Variants in AKR1C2 observed in about 807,000 individuals in gnomAD.
AKR1C2 encodes 3-alpha-HSD3.
Under a neutral mutation model 39.8 loss-of-function variants are expected in AKR1C2, and 27 were observed. The ratio of observed to expected loss-of-function variants is 0.68; its 90% CI spans 0.50 to 0.93. The LOEUF (loss-of-function observed/expected upper bound fraction) is 0.93. Among genes scored for constraint, AKR1C2 ranks in the 40% least tolerant of loss-of-function variants. AKR1C2 has a pLI of 0.00. For synonymous variants in AKR1C2, 114 were observed against 137.9 expected (o/e 0.83, Z 1.22); for missense variants, 263 against 365.1 (o/e 0.72, Z 2.28).
Position 5,001,642 on chromosome 10 carries a change from T to C in AKR1C2, c.124A>G (p.Ile42Val), listed in dbSNP as rs782701203. The C allele has an allele frequency of 9.3e-6, 15 of 1,613,854 alleles. No homozygotes were observed. The Admixed American group carries it at 1.3e-4, about 14-fold the overall frequency. Residue 42 changes from isoleucine (I) to valine (V), a missense_variant, in exon 2 of 9, where the codon ATA becomes GTA. Coordinates refer to ENST00000380753, the MANE Select transcript of AKR1C2 (RefSeq NM_001393392.1). ...SKALEAVKLA[I>V]EAGFHHIDSA... ...TCAATATGGTGGAACCCGGCTTCTA[T>C]TGCCAATTTGACGGCCTCTAGAGCT...
At chr10:5,012,668 T>C (rs1398349548) in intron 1 of AKR1C2, among the ~76,000 whole-genome samples, 10 of 152,212 alleles carry the variant, frequency 6.6e-5, no homozygotes, top group Non-Finnish European at 1.5e-4. Flanking sequence ...TTTAGCCTGT[T>C]GAACGAGATT....
At chr10:4,999,843 A>T (rs1837197513) in intron 3 of AKR1C2, 1 of 830,686 alleles carries the variant, frequency 1.2e-6, no homozygotes, top group African/African-American at 1.8e-5. Context: ...ACAAATATTT[A>T]AAAAGCCTTT....
At chr10:5,003,424 G>A (rs1330367596) in intron 1 of AKR1C2, among the ~76,000 whole-genome samples, 1 of 151,366 alleles carries the variant, frequency 6.6e-6, no homozygotes, top group Non-Finnish European at 1.5e-5. Flanking sequence ...TATCTTCTTG[G>A]AAGAAGTAAA....
chr10:5,012,629 A>G (rs1292194213), intron 1 of AKR1C2, among the ~76,000 whole-genome samples: 1 of 152,110 alleles, frequency 6.6e-6, no homozygotes, highest in Non-Finnish European at 1.5e-5. Context: ...GACCCTCAAG[A>G]AAAAATACAA....
At chr10:5,003,667 C>T (rs1837336987) in intron 1 of AKR1C2, 85 bp downstream of exon 1, 1 of 1,306,322 alleles carries the variant, frequency 7.7e-7, no homozygotes, top group African/African-American at 1.4e-5. Flanking sequence ...TGCAGAGTAA[C>T]ATAGGAACAC....
intron 1 of AKR1C2, among the ~76,000 whole-genome samples, chr10:5,017,205 C>T (rs1245858509): frequency 6.6e-6 from 1 of 152,180 alleles, no homozygotes; most frequent in African/African-American, 2.4e-5. Context: ...TTTCTGCAAC[C>T]ACCTTGAATT....
intron 8 of AKR1C2, 128 bp downstream of exon 8, chr10:4,991,703 A>G (rs1411657665): frequency 5.3e-6 from 1 of 188,404 alleles, no homozygotes; most frequent in Non-Finnish European, 1.0e-5. Context: ...GGAGACTTCC[A>G]GAAAGCTCCT....
chr10:5,001,095 T>C (rs554418808), intron 2 of AKR1C2, among the ~76,000 whole-genome samples: 1 of 152,328 alleles, frequency 6.6e-6, no homozygotes, highest in East Asian at 1.9e-4. Context: ...TTTAAAACAA[T>C]GTAGGTATCA....
At chr10:5,015,531 A>G (rs1837619221) in intron 1 of AKR1C2, among the ~76,000 whole-genome samples, 1 of 152,106 alleles carries the variant, frequency 6.6e-6, no homozygotes, top group Admixed American at 6.5e-5. Context: ...GTACAGCCCA[A>G]TTACATCCAC....
At chr10:5,000,479 C>A (rs1177036937) in intron 3 of AKR1C2, 71 bp downstream of exon 3, 8 of 1,613,062 alleles carry the variant, frequency 5.0e-6, no homozygotes, top group Non-Finnish European at 6.8e-6. Context: ...AAGCTTAGTT[C>A]AAATCTCCAT....
chr10:4,993,683 G>A (rs1423749068), intron 7 of AKR1C2, among the ~76,000 whole-genome samples: 8 of 151,546 alleles, frequency 5.3e-5, no homozygotes, highest in East Asian at 1.9e-4. Context: ...ATATGACAAC[G>A]CAGATAAAAT....
rs1836730062 is a variant in AKR1C2, at chr10:4,988,394, G to A, written c.*1602C>T. The A allele has an allele frequency of 6.6e-6, 1 of 150,884 alleles. No homozygotes were observed. Among genetic ancestry groups the A allele is most frequent in the Admixed American group, 6.6e-5 (1 of 15,066 alleles). The allele number at this position is 150,884 out of a possible 1,614,324, so 9.3% of individuals were successfully genotyped here. A position where few individuals can be genotyped will look rare whatever the true frequency, so the allele number is the denominator to read the frequency against. On this transcript the variant is annotated 3_prime_UTR_variant, in exon 9 of 9. Coordinates refer to ENST00000380753, the MANE Select transcript of AKR1C2 (RefSeq NM_001393392.1). The stretch of plus-strand genomic sequence containing the variant: ...AGAGTTCACATTATGATCTTCCATT[G>A]AAGATTTGGAGGAAAACGCTGAGCT...
Position 5,010,731 on chromosome 10 carries a change from A to G in AKR1C2, c.-87-6809T>C, listed in dbSNP as rs559869622. On this transcript the variant is annotated intron_variant, in intron 1 of 6. Coordinates refer to the AKR1C2 transcript ENST00000604507. ...TTTTATAGCAAAATTCATGTTGATG[A>G]TAAGGCAATCCTAACCCCTAAAACC... 7 of 152,360 alleles carry G rather than the reference A, an allele frequency of 4.6e-5. No individual in the cohort carries two copies. In the East Asian group the frequency reaches 1.4e-3, roughly 29 times the overall value. 9.4% of individuals were successfully genotyped at this position (152,360 alleles called of 1,614,324 possible).
chr10:5,004,030 A>G (rs1253891630), upstream of AKR1C2: 31 of 533,800 alleles, frequency 5.8e-5, no homozygotes, highest in Non-Finnish European at 1.0e-4. Flanking sequence ...AAAATTCATA[A>G]GTAAATTATT....
At chr10:5,001,388 T>C in intron 2 of AKR1C2, 126 bp downstream of exon 2, 1 of 1,490,378 alleles carries the variant, frequency 6.7e-7, no homozygotes, top group Non-Finnish European at 9.0e-7. Flanking sequence ...AATACATGAG[T>C]AAGTGTGAAT....
chr10:5,006,963 A>G (rs1837420042), upstream of AKR1C2, among the ~76,000 whole-genome samples: 1 of 150,304 alleles, frequency 6.7e-6, no homozygotes, highest in African/African-American at 2.4e-5. Flanking sequence ...TAGTAGAGAC[A>G]GGGTTTCACT....
At chr10:5,014,302 T>G (rs1837588036) in intron 1 of AKR1C2, among the ~76,000 whole-genome samples, 1 of 152,164 alleles carries the variant, frequency 6.6e-6, no homozygotes, top group Non-Finnish European at 1.5e-5. Context: ...ACCTCTCTCC[T>G]ATTGTCCAGG....
chr10:5,015,581 C>T (rs782485568), intron 1 of AKR1C2, among the ~76,000 whole-genome samples: 7 of 152,130 alleles, frequency 4.6e-5, no homozygotes, highest in Non-Finnish European at 8.8e-5. Context: ...GTCAATCCCA[C>T]CCCCAGTGAT....
intron 4 of AKR1C2, 79 bp downstream of exon 4, chr10:4,999,121 A>C (rs1306502165): frequency 1.4e-6 from 2 of 1,393,010 alleles, no homozygotes; most frequent in African/African-American, 1.5e-5. Context: ...TGCATTTTCC[A>C]TACTTGTACT....
Sources: allele counts gnomAD v4.1 joint callset (sites outside exome capture counted in the v4.1 genomes callset), GRCh38; gene constraint gnomAD v4.1.1; transcripts MANE v1.5; gene names NCBI Gene and HGNC (gene_info 2026-07-23, HGNC 2026-07-21).